Variants in HDAC9 observed in about 807,000 individuals in gnomAD.
The protein encoded by HDAC9 is histone deacetylase 9.
Under a neutral mutation model 139.4 loss-of-function variants are expected in HDAC9, and 41 were observed. The observed-to-expected ratio is 0.29, with a 90% confidence interval of 0.23 to 0.38. The LOEUF (loss-of-function observed/expected upper bound fraction) is 0.38, where lower values mean the gene tolerates loss of function less well. Ranked by LOEUF, HDAC9 falls within the 10% of genes least tolerant of loss-of-function variation. The pLI, the probability that HDAC9 is intolerant of heterozygous loss-of-function variation, is 1.00. For missense variants in HDAC9, 1,147 were observed against 1,297.0 expected (o/e 0.88, Z 1.78); for synonymous variants, 517 against 476.2 (o/e 1.09, Z -1.12).
chr7:18,745,664 A>G (rs1178564711), intron 13 of HDAC9, among the ~76,000 whole-genome samples: 1 of 147,670 alleles, frequency 6.8e-6, no homozygotes, highest in African/African-American at 2.5e-5. Flanking sequence ...CTCCTGCCTC[A>G]GCCTCCCGAG....
chr7:18,515,057 C>T (rs1802730990), intron 2 of HDAC9, among the ~76,000 whole-genome samples: 1 of 152,126 alleles, frequency 6.6e-6, no homozygotes, highest in African/African-American at 2.4e-5. Flanking sequence ...TTTTTCTAAA[C>T]TCCAGTTTAT....
chr7:18,348,363 G>T (rs1395344274), intron 1 of HDAC9, among the ~76,000 whole-genome samples: 1 of 152,160 alleles, frequency 6.6e-6, no homozygotes, highest in Admixed American at 6.5e-5. Flanking sequence ...TACTACATGT[G>T]TGATTTTTGA....
At chr7:18,716,785 C>T (rs765921321) in intron 12 of HDAC9, among the ~76,000 whole-genome samples, 1 of 152,128 alleles carries the variant, frequency 6.6e-6, no homozygotes, top group Admixed American at 6.6e-5. Flanking sequence ...ACTAAACATA[C>T]ACACTCTCTC....
intron 6 of HDAC9, among the ~76,000 whole-genome samples, chr7:18,613,105 A>AAT (rs1268308187): frequency 6.8e-6 from 1 of 147,992 alleles, no homozygotes; most frequent in African/African-American, 2.4e-5. Context: ...TTTATATATA[A>AAT]ATATATATAA....
At chr7:18,186,502 C>T (rs570412258) in intron 2 of HDAC9, among the ~76,000 whole-genome samples, 4 of 152,316 alleles carry the variant, frequency 2.6e-5, no homozygotes, top group Admixed American at 2.0e-4. Context: ...CCATAAGACT[C>T]TGCCCCACTC....
Position 18,413,875 on chromosome 7 carries a change from A to G in HDAC9, c.-41-82387A>G, listed in dbSNP as rs142428672. 2.5e-3 allele frequency among the ~76,000 whole-genome samples: 386 copies of G among 152,248 alleles called. 3 individuals are homozygous for G. The highest frequency in any genetic ancestry group is 3.1e-3 in the Non-Finnish European group (209 of 67,984). On this transcript the variant is annotated intron_variant, in intron 1 of 3. Coordinates refer to the HDAC9 transcript ENST00000413509. Reference sequence around the variant, plus strand: ...AATGATTAACTCTGTGGTAGGTGCTATATCTTTGTGTTAAGGTAAACATAC... The same window carrying G: ...AATGATTAACTCTGTGGTAGGTGCTGTATCTTTGTGTTAAGGTAAACATAC...
intron 1 of HDAC9, among the ~76,000 whole-genome samples, chr7:18,434,100 A>G (rs1310917081): frequency 6.6e-6 from 1 of 152,202 alleles, no homozygotes; most frequent in Admixed American, 6.5e-5. Flanking sequence ...GAGAACCCAG[A>G]AATAAAGCTA....
intron 2 of HDAC9, among the ~76,000 whole-genome samples, chr7:18,245,068 A>C (rs1458530790): frequency 2.1e-5 from 3 of 146,162 alleles, no homozygotes; most frequent in African/African-American, 7.6e-5. Context: ...TGGAGGAGGG[A>C]TGGAACTCAG....
intron 17 of HDAC9, 24 bp downstream of exon 17, chr7:18,793,476 G>T: frequency 7.1e-7 from 1 of 1,405,430 alleles, no homozygotes; most frequent in Non-Finnish European, 9.9e-7. Flanking sequence ...TGCATTAAGT[G>T]TGGGAAATCC....
chr7:18,667,369 G>T (rs1317445660), intron 12 of HDAC9: 1 of 982,934 alleles, frequency 1.0e-6, no homozygotes, highest in South Asian at 4.7e-5. Context: ...TGAAAAGAAG[G>T]TGTATCATAT....
intron 1 of HDAC9, among the ~76,000 whole-genome samples, chr7:18,467,486 C>T (rs550584198): frequency 6.6e-6 from 1 of 152,226 alleles, no homozygotes; most frequent in East Asian, 1.9e-4. Context: ...TGATAAATGT[C>T]ACTTTCTTGG....
intron 1 of HDAC9, among the ~76,000 whole-genome samples, chr7:18,156,739 T>C (rs962085875): frequency 6.6e-6 from 1 of 152,212 alleles, no homozygotes; most frequent in Non-Finnish European, 1.5e-5. Flanking sequence ...ATTATGGGTA[T>C]GGTACAAGAT....
At chr7:18,809,950 C>A (rs1794043600) in intron 17 of HDAC9, among the ~76,000 whole-genome samples, 1 of 151,842 alleles carries the variant, frequency 6.6e-6, no homozygotes, top group African/African-American at 2.4e-5. Flanking sequence ...TCACAATAGG[C>A]AAGATACGGA....
upstream of HDAC9, among the ~76,000 whole-genome samples, chr7:18,494,606 A>G (rs1215899898): frequency 6.6e-6 from 1 of 152,046 alleles, no homozygotes; most frequent in African/African-American, 2.4e-5. Context: ...TTATATAGAA[A>G]GGATATAAAT....
chr7:18,993,729 G>C (rs1786207875), intron 25 of HDAC9, among the ~76,000 whole-genome samples: 1 of 152,048 alleles, frequency 6.6e-6, no homozygotes, highest in Non-Finnish European at 1.5e-5. Context: ...CTTGAGCCCG[G>C]GAGGTTGAGG....
intron 12 of HDAC9, among the ~76,000 whole-genome samples, chr7:18,713,448 A>G (rs115967805): frequency 0.027 from 4,122 of 152,268 alleles, 213 homozygotes; most frequent in African/African-American, 0.094. Context: ...ATATATGTTA[A>G]TTAGATTGAT....
intron 2 of HDAC9, among the ~76,000 whole-genome samples, chr7:18,583,792 T>C (rs1205477861): frequency 6.6e-6 from 1 of 152,136 alleles, no homozygotes; most frequent in East Asian, 1.9e-4. Flanking sequence ...AGTTAACAGT[T>C]ATTTCTGTCT....
chr7:18,606,731 A>G (rs1266568611), intron 6 of HDAC9, among the ~76,000 whole-genome samples: 4 of 152,192 alleles, frequency 2.6e-5, no homozygotes, highest in East Asian at 3.8e-4. Flanking sequence ...CTTTTTAAGC[A>G]TTCATTTTGA....
chr7:18,180,572 G>T (rs774274058), intron 2 of HDAC9, among the ~76,000 whole-genome samples: 5 of 152,052 alleles, frequency 3.3e-5, no homozygotes, highest in African/African-American at 4.8e-5. Context: ...ACATGTGGCA[G>T]GTAGCAGAGT....
Sources: gnomAD v4.1 joint callset for allele counts (sites outside exome capture counted in the v4.1 genomes callset) on GRCh38, gnomAD v4.1.1 for gene constraint, MANE v1.5 for transcripts, NCBI Gene and HGNC (gene_info 2026-07-23, HGNC 2026-07-21) for gene names.